CDK6: variants seen among roughly 807,000 people sequenced by gnomAD.
CDK6 encodes cyclin-dependent kinase 6.
Under a neutral mutation model 37.1 loss-of-function variants are expected in CDK6, and 6 were observed. The ratio of observed to expected loss-of-function variants is 0.16; its 90% CI spans 0.09 to 0.32. The LOEUF (loss-of-function observed/expected upper bound fraction) is 0.32. Among genes scored for constraint, CDK6 ranks in the 10% least tolerant of loss-of-function variants. The probability of loss-of-function intolerance (pLI) is 1.00; values close to 1 mark genes in which losing one functional copy is unlikely to be tolerated. For missense variants in CDK6, 224 were observed against 418.9 expected (o/e 0.53, Z 4.06); for synonymous variants, 160 against 161.3 (o/e 0.99, Z 0.06).
At chr7:92,776,597 C>T (rs181849272) in intron 2 of CDK6, among the ~76,000 whole-genome samples, 1 of 152,328 alleles carries the variant, frequency 6.6e-6, no homozygotes, top group African/African-American at 2.4e-5. Flanking sequence ...TTAATGATTG[C>T]CATTCTAACT....
chr7:92,664,922 A>G (rs1796921389), intron 5 of CDK6, among the ~76,000 whole-genome samples: 2 of 151,618 alleles, frequency 1.3e-5, no homozygotes, highest in African/African-American at 4.9e-5. Flanking sequence ...AGTAGGTGGG[A>G]CTACAGGAGC....
rs3814100 is a variant in CDK6, at chr7:92,608,062, C to T, written c.*7078G>A. 87 of 233,048 alleles carry T rather than the reference C, an allele frequency of 3.7e-4. No individual in the cohort carries two copies. The East Asian group carries it at 5.3e-3, about 14-fold the overall frequency. 14.4% of individuals were successfully genotyped at this position (233,048 alleles called of 1,614,324 possible). On this transcript the variant is annotated 3_prime_UTR_variant, in exon 8 of 8. Transcript: ENST00000424848. ...TAGAAACTTTCAAGTAAGGGTACAA[C>T]GGGTATCTTCAGAACTTTAACCTAA...
chr7:92,742,429 C>CA (rs1798946274), intron 3 of CDK6, among the ~76,000 whole-genome samples: 1 of 152,170 alleles, frequency 6.6e-6, no homozygotes, highest in African/African-American at 2.4e-5. Flanking sequence ...GGGGTCATCT[C>CA]AGAGTGTCAG....
rs1795720681 is a variant in CDK6, at chr7:92,618,106, G to T, written c.800C>A (p.Thr267Lys). 6.2e-7 allele frequency: 1 copy of T among 1,614,010 alleles called. No homozygotes were observed. The highest frequency in any genetic ancestry group is 1.3e-5 in the African/African-American group (1 of 74,922). ...KSAQPIEKFV[T>K]DIDELGKDLL... ...GTCTTTGCCTAGTTCATCGATATCT[G>T]TTACAAACTTCTCAATTGGTTGGGC... Residue 267 changes from threonine (T) to lysine (K), a missense_variant, in exon 7 of 8, where the codon ACA becomes AAA. Around this residue, in one of 5 missense-constraint regions of CDK6, gnomAD observed 90 missense variants for 136.2 expected, o/e 0.66. Transcript: ENST00000424848.
chr7:92,680,488 T>G (rs1382946969), intron 4 of CDK6, among the ~76,000 whole-genome samples: 1 of 116,094 alleles, frequency 8.6e-6, no homozygotes, highest in Admixed American at 8.7e-5. Flanking sequence ...AAAATAATAA[T>G]GGAGTCATCT....
Position 92,605,633 on chromosome 7 carries a change from G to A in CDK6, c.*9507C>T, listed in dbSNP as rs1271925719. 1.3e-5 allele frequency: 3 copies of A among 233,282 alleles called. No homozygotes were observed. Among genetic ancestry groups the A allele is most frequent in the Admixed American group, 5.6e-5 (1 of 17,804 alleles). The allele number at this position is 233,282 out of a possible 1,614,324, so 14.5% of individuals were successfully genotyped here. A position where few individuals can be genotyped will look rare whatever the true frequency, so the allele number is the denominator to read the frequency against. On this transcript the variant is annotated 3_prime_UTR_variant, in exon 8 of 8. Coordinates refer to ENST00000424848, the MANE Select transcript of CDK6 (RefSeq NM_001145306.2). The stretch of plus-strand genomic sequence containing the variant: ...AGCATTCAGCTCAGAGCATTCTGAA[G>A]ACAGTAGCCTTAGAGATAAGCTTTC...
rs1795579163 is a variant in CDK6, at chr7:92,612,324, C to A, written c.*2816G>T. The A allele has an allele frequency of 4.3e-6, 1 of 233,164 alleles. No individual in the cohort carries two copies. Among genetic ancestry groups the A allele is most frequent in the African/African-American group, 2.2e-5 (1 of 45,460 alleles). 14.4% of individuals were successfully genotyped at this position (233,164 alleles called of 1,614,324 possible). On this transcript the variant is annotated 3_prime_UTR_variant, in exon 8 of 8. Transcript: ENST00000424848. ...GGGGCAATATGCCCTTTTCAGTTCA[C>A]CACTGCTTAGCTTTTGGCAAAGATG...
intron 2 of CDK6, among the ~76,000 whole-genome samples, chr7:92,832,310 C>T (rs1801507764): frequency 6.6e-6 from 1 of 152,190 alleles, no homozygotes; most frequent in Non-Finnish European, 1.5e-5. Context: ...CCCACCCACT[C>T]GCACAATCCA....
At chr7:92,643,286 G>T (rs1475889780) in intron 5 of CDK6, among the ~76,000 whole-genome samples, 1 of 152,222 alleles carries the variant, frequency 6.6e-6, no homozygotes, top group Non-Finnish European at 1.5e-5. Context: ...TCTAAGAAAA[G>T]AAAGAGGTGA....
rs1267202182 is a variant in CDK6, at chr7:92,833,059, C to T, written c.233+32G>A. On this transcript the variant is annotated intron_variant, in intron 2 of 7. Coordinates refer to ENST00000424848, the MANE Select transcript of CDK6 (RefSeq NM_001145306.2). This position sits in a 1 kb window ranked among gnomAD's most constrained non-coding sequence, Gnocchi z 6.1. ...CGGCCCTCCCCGCGCGCGCGAGGCC[C>T]CAGATGGCGAGGGCGCAGCTCCCTG... 14 of 1,476,640 alleles carry T rather than the reference C, an allele frequency of 9.5e-6. No individual in the cohort carries two copies. In the Admixed American group the frequency reaches 1.0e-4, roughly 11 times the overall value. The allele number at this position is 1,476,640 out of a possible 1,614,324, so 91.5% of individuals were successfully genotyped here. A position where few individuals can be genotyped will look rare whatever the true frequency, so the allele number is the denominator to read the frequency against.
chr7:92,753,531 C>CA (rs1799237842), intron 3 of CDK6, among the ~76,000 whole-genome samples: 2 of 152,118 alleles, frequency 1.3e-5, no homozygotes, highest in African/African-American at 4.8e-5. Context: ...CTTGCTCTGT[C>CA]GCCCAGGCTG....
chr7:92,787,681 AAT>A (rs889300363), intron 2 of CDK6, among the ~76,000 whole-genome samples: 2 of 152,184 alleles, frequency 1.3e-5, no homozygotes, highest in African/African-American at 2.4e-5. Context: ...TACAAAAAAG[AAT>A]ATGAGAAAAA....
chr7:92,740,269 T>A (rs1798888868), intron 3 of CDK6, among the ~76,000 whole-genome samples: 2 of 152,212 alleles, frequency 1.3e-5, no homozygotes. Flanking sequence ...TGCAATGCTA[T>A]TTGCTTTTCC....
At chr7:92,786,653 AT>A (rs1173734425) in intron 2 of CDK6, among the ~76,000 whole-genome samples, 3 of 148,834 alleles carry the variant, frequency 2.0e-5, no homozygotes, top group Admixed American at 6.7e-5. Flanking sequence ...ATATATATAT[AT>A]ATAAATAATC....
chr7:92,658,904 G>C (rs1796770558), intron 5 of CDK6, among the ~76,000 whole-genome samples: 1 of 152,152 alleles, frequency 6.6e-6, no homozygotes, highest in Non-Finnish European at 1.5e-5. Context: ...ATTTTTTAAA[G>C]TAAGGACATA....
chr7:92,672,926 G>C (rs1436440389), intron 4 of CDK6, among the ~76,000 whole-genome samples: 2 of 152,216 alleles, frequency 1.3e-5, no homozygotes, highest in Non-Finnish European at 2.9e-5. Context: ...CTCGTATCAA[G>C]GGATGGATTT....
intron 3 of CDK6, among the ~76,000 whole-genome samples, chr7:92,753,986 T>C (rs1407434710): frequency 6.6e-6 from 1 of 152,140 alleles, no homozygotes; most frequent in African/African-American, 2.4e-5. Flanking sequence ...TTCTAACATA[T>C]ACAATGAGGG....
chr7:92,672,166 T>TACAC (rs1434883987), intron 4 of CDK6, among the ~76,000 whole-genome samples: 173 of 38,518 alleles, frequency 4.5e-3, no homozygotes, highest in Non-Finnish European at 6.0e-3. Flanking sequence ...TATATACACA[T>TACAC]ACACACACAC....
intron 3 of CDK6, among the ~76,000 whole-genome samples, chr7:92,747,105 C>T (rs1799079223): frequency 6.6e-6 from 1 of 152,132 alleles, no homozygotes; most frequent in Non-Finnish European, 1.5e-5. Flanking sequence ...CTTCCTATTC[C>T]AGGCCAAATT....
Sources: gnomAD v4.1 joint callset for allele counts (sites outside exome capture counted in the v4.1 genomes callset) on GRCh38, gnomAD v4.1.1 for gene constraint, gnomAD v4.1.1 regional missense constraint, Gnocchi (gnomAD v3.1) non-coding constraint, MANE v1.5 for transcripts, NCBI Gene and HGNC (gene_info 2026-07-23, HGNC 2026-07-21) for gene names.